Variants in CCNH observed in about 807,000 individuals in gnomAD.
CCNH encodes the protein cyclin-H.
In CCNH, 31 loss-of-function variants were observed where a neutral mutation model predicts 41.9. The observed-to-expected ratio is 0.74, with a 90% confidence interval of 0.56 to 1.00. CCNH has a LOEUF of 1.00. CCNH is among the 50% of genes least tolerant of loss of function. The probability of loss-of-function intolerance (pLI) is 0.00; values close to 1 mark genes in which losing one functional copy is unlikely to be tolerated. For missense variants in CCNH, 362 were observed against 388.4 expected (o/e 0.93, Z 0.57); for synonymous variants, 138 against 136.1 (o/e 1.01, Z -0.10).
intron 9 of CCNH, among the ~76,000 whole-genome samples, chr5:87,319,180 G>A (rs1756582093): frequency 6.6e-6 from 1 of 152,230 alleles, no homozygotes; most frequent in Non-Finnish European, 1.5e-5. Context: ...CTGCTTTAAT[G>A]GGCTGGCATT....
intron 9 of CCNH, among the ~76,000 whole-genome samples, chr5:87,339,355 G>C (rs751181322): frequency 1.3e-5 from 2 of 152,072 alleles, no homozygotes; most frequent in Non-Finnish European, 2.9e-5. Context: ...TCCTAGATTA[G>C]TATTCTGTAT....
At chr5:87,386,948 A>T, downstream of CCNH, 2 of 1,494,856 alleles carry the variant, frequency 1.3e-6, no homozygotes, top group Non-Finnish European at 1.9e-6. Flanking sequence ...CTTCTAGTTG[A>T]TATAGCTGAG....
intron 9 of CCNH, among the ~76,000 whole-genome samples, chr5:87,334,977 G>C (rs1025315266): frequency 1.3e-5 from 2 of 152,060 alleles, no homozygotes; most frequent in African/African-American, 4.8e-5. Context: ...TCCACCTCCT[G>C]GGTTCAAGGG....
chr5:87,379,044 T>C (rs1170529727), upstream of CCNH, among the ~76,000 whole-genome samples: 2 of 152,180 alleles, frequency 1.3e-5, no homozygotes, highest in East Asian at 1.9e-4. Flanking sequence ...ACACATATTC[T>C]CTCATTTTAA....
intron 9 of CCNH, among the ~76,000 whole-genome samples, chr5:87,371,093 G>A (rs987822499): frequency 1.3e-5 from 2 of 151,982 alleles, no homozygotes; most frequent in Non-Finnish European, 2.9e-5. Context: ...TATTTTCTAA[G>A]TATTTTACCA....
intron 1 of CCNH, chr5:87,412,425 CACT>C: frequency 7.5e-7 from 1 of 1,338,462 alleles, no homozygotes; most frequent in South Asian, 1.6e-5. Context: ...TACCTTAGCA[CACT>C]ACTTACTCTC....
chr5:87,316,691 T>TG (rs1242260067), downstream of CCNH, among the ~76,000 whole-genome samples: 5 of 152,170 alleles, frequency 3.3e-5, no homozygotes, highest in African/African-American at 1.2e-4. Flanking sequence ...ATCCCTGTTT[T>TG]GGGGGAACTT....
intron 9 of CCNH, among the ~76,000 whole-genome samples, chr5:87,339,655 A>G (rs1758296149): frequency 2.0e-5 from 3 of 152,170 alleles, no homozygotes; most frequent in Admixed American, 2.0e-4. Flanking sequence ...CCAAACCAGA[A>G]TAAGGAGACA....
chr5:87,382,420 A>G (rs1419161886), intron 9 of CCNH, among the ~76,000 whole-genome samples: 1 of 152,242 alleles, frequency 6.6e-6, no homozygotes, highest in Non-Finnish European at 1.5e-5. Context: ...GGAATTGCGT[A>G]ACTCATTATT....
In CCNH at chr5:87,366,375, G is replaced by C. The variant is rs1247291960; in HGVS notation, c.*90+26395C>G. On this transcript the variant is annotated intron_variant and NMD_transcript_variant, in intron 9 of 9. Transcript: ENST00000645953. ...GATGCAGTTAGATTGGAAGTCTGTT[G>C]GCACAATCAAAAGAAAGGTCCACAT... 3 of 428,920 alleles carry C rather than the reference G, an allele frequency of 7.0e-6. No individual in the cohort carries two copies. The East Asian group carries it at 2.1e-4, about 30-fold the overall frequency. The allele number at this position is 428,920 out of a possible 1,614,324, so 26.6% of individuals were successfully genotyped here.
chr5:87,333,241 A>T, intron 9 of CCNH: 1 of 1,609,036 alleles, frequency 6.2e-7, no homozygotes, highest in Non-Finnish European at 8.5e-7. Context: ...TATCTTTTTA[A>T]ATCTTTTTTT....
downstream of CCNH, chr5:87,376,233 T>TAA: frequency 1.2e-6 from 1 of 806,722 alleles, no homozygotes; most frequent in Non-Finnish European, 2.0e-6. Context: ...AGACACTCAG[T>TAA]AAATAAACAA....
At position 87,401,725 on chromosome 5, in the gene CCNH, G is replaced by A. The variant is rs775386053; in HGVS notation, c.737C>T (p.Ser246Leu). Residue 246 changes from serine (S) to leucine (L), a missense_variant, in exon 6 of 9, where the codon TCA becomes TTA. Physicochemically the swap from Ser to Leu is moderately radical, Grantham distance 145. Coordinates refer to ENST00000256897, the MANE Select transcript of CCNH (RefSeq NM_001239.4). The part of the protein sequence containing the change: ...LMLKENRTCL[S>L]QLLDIMKSMR... ...ACTTTTCATTATATCTAGTAACTGT[G>A]ACAGGCAAGTTCTGTTCTCTTTCAG... 4 of 1,590,414 alleles carry A rather than the reference G, an allele frequency of 2.5e-6. No homozygotes were observed. In the Admixed American group the frequency reaches 5.3e-5, roughly 21 times the overall value.
intron 9 of CCNH, among the ~76,000 whole-genome samples, chr5:87,383,208 G>A (rs1761845489): frequency 6.6e-6 from 1 of 152,094 alleles, no homozygotes; most frequent in African/African-American, 2.4e-5. Context: ...ATTTTTATGT[G>A]AATCATCAAC....
rs748472598 is a variant in CCNH at position 87,377,024 on chromosome 5, A to G, written n.157T>C. ...TGTTGTTATGCACACTAAATGACAG[A>G]GAAATAAGCATGGAAGGTATGGTAT... On this transcript the variant is annotated non_coding_transcript_exon_variant, in exon 1 of 1. Coordinates refer to the CCNH transcript ENST00000607486. 3.7e-6 allele frequency: 6 copies of G among 1,613,850 alleles called. No individual in the cohort carries two copies. In the Admixed American group the frequency reaches 8.3e-5, roughly 22 times the overall value.
chr5:87,373,822 A>G (rs956177154), downstream of CCNH, among the ~76,000 whole-genome samples: 1 of 152,006 alleles, frequency 6.6e-6, no homozygotes, highest in Non-Finnish European at 1.5e-5. Context: ...TTGTTTACTT[A>G]TATTAATAAA....
At chr5:87,337,665 A>G (rs1758069212) in intron 9 of CCNH, among the ~76,000 whole-genome samples, 1 of 152,160 alleles carries the variant, frequency 6.6e-6, no homozygotes, top group Non-Finnish European at 1.5e-5. Context: ...CCTTCAATAT[A>G]TGTACAATCA....
chr5:87,370,771 T>G (rs1340654781), intron 9 of CCNH, among the ~76,000 whole-genome samples: 1 of 152,080 alleles, frequency 6.6e-6, no homozygotes, highest in Non-Finnish European at 1.5e-5. Context: ...AACTTAAAGG[T>G]GGTTAAGAAG....
chr5:87,323,924 G>C (rs747602002), intron 9 of CCNH, among the ~76,000 whole-genome samples: 6 of 152,086 alleles, frequency 3.9e-5, no homozygotes, highest in Non-Finnish European at 7.4e-5. Flanking sequence ...TACTATACCA[G>C]ATTACAGTTG....
Sources: gnomAD v4.1 joint callset for allele counts (sites outside exome capture counted in the v4.1 genomes callset) on GRCh38, gnomAD v4.1.1 for gene constraint, MANE v1.5 for transcripts, NCBI Gene and HGNC (gene_info 2026-07-23, HGNC 2026-07-21) for gene names.